ARMC9: variants seen among roughly 807,000 people sequenced by gnomAD.
The protein encoded by ARMC9 is lisH domain-containing protein ARMC9.
ARMC9 carries 94 observed loss-of-function variants against 107.0 expected under a neutral mutation model. The observed-to-expected ratio is 0.88, with a 90% CI of 0.74 to 1.04. The LOEUF (loss-of-function observed/expected upper bound fraction) is 1.04. Ranked by LOEUF, ARMC9 falls within the 50% of genes least tolerant of loss-of-function variation. The probability of loss-of-function intolerance (pLI) is 0.00; values close to 1 mark genes in which losing one functional copy is unlikely to be tolerated. For missense variants in ARMC9, 942 were observed against 1,030.1 expected, an observed-to-expected ratio of 0.91 and a Z score of 1.17; for synonymous variants, 380 against 396.9, an observed-to-expected ratio of 0.96 and a Z score of 0.51.
At position 231,240,287 on chromosome 2, in the gene ARMC9, G is replaced by A. The variant is rs2036177013; in HGVS notation, c.879+246G>A. The A allele has an allele frequency of 5.8e-6, 3 of 518,780 alleles. No homozygotes were observed. In the African/African-American group the frequency reaches 5.8e-5, roughly 10 times the overall value. The allele number at this position is 518,780 out of a possible 1,614,324, so 32.1% of individuals were successfully genotyped here. A position where few individuals can be genotyped will look rare whatever the true frequency, so the allele number is the denominator to read the frequency against. ...CTACCAGTTGCAGCCACTCAGTGGG[G>A]GTTCCCAGGGTTGGGGATCAGTAGG... On this transcript the variant is annotated intron_variant, in intron 9 of 24. Coordinates refer to ENST00000611582, the MANE Select transcript of ARMC9 (RefSeq NM_001352754.2).
Sources: gnomAD v4.1 joint callset for allele counts on GRCh38, gnomAD v4.1.1 for gene constraint, MANE v1.5 for transcripts, NCBI Gene and HGNC (gene_info 2026-07-23, HGNC 2026-07-21) for gene names.